The following SORCS1 variants were observed in gnomAD, a reference collection of about 807,000 sequenced individuals.
SORCS1 encodes sortilin related VPS10 domain containing receptor 1.
Under a neutral mutation model 146.1 loss-of-function variants are expected in SORCS1, and 60 were observed. That is an observed-to-expected ratio of 0.41 (90% confidence interval 0.33 to 0.51). The LOEUF (loss-of-function observed/expected upper bound fraction) is 0.51. Ranked by LOEUF, SORCS1 falls within the 20% of genes least tolerant of loss-of-function variation. The pLI is 0.21. For missense variants in SORCS1, 1,352 were observed against 1,487.6 expected, an observed-to-expected ratio of 0.91 and a Z score of 1.50; for synonymous variants, 637 against 584.0, an observed-to-expected ratio of 1.09 and a Z score of -1.31.
chr10:106,937,727 G>T (rs1054214932), intron 2 of SORCS1, among the ~76,000 whole-genome samples: 1 of 152,226 alleles, frequency 6.6e-6, no homozygotes, highest in Non-Finnish European at 1.5e-5. Context: ...ACTTTGGGGG[G>T]CTGAGGCAGG....
chr10:106,940,900 A>T (rs1375532210), intron 2 of SORCS1, among the ~76,000 whole-genome samples: 1 of 152,144 alleles, frequency 6.6e-6, no homozygotes, highest in East Asian at 1.9e-4. Flanking sequence ...ATAATAATAA[A>T]AAAAATTATT....
chr10:106,757,516 T>G (rs1399579310), intron 5 of SORCS1, among the ~76,000 whole-genome samples: 1 of 152,228 alleles, frequency 6.6e-6, no homozygotes, highest in Admixed American at 6.5e-5. Context: ...TTCTGTCAGC[T>G]TAAGGTAGTT....
intron 1 of SORCS1, among the ~76,000 whole-genome samples, chr10:107,065,467 C>CT (rs1961713064): frequency 7.5e-4 from 20 of 26,688 alleles, no homozygotes; most frequent in South Asian, 2.2e-3. Flanking sequence ...TTTCTCTCTC[C>CT]CTCTCCTCTC....
intron 1 of SORCS1, among the ~76,000 whole-genome samples, chr10:107,152,106 T>C (rs1478897722): frequency 6.6e-6 from 1 of 152,142 alleles, no homozygotes; most frequent in Non-Finnish European, 1.5e-5. Context: ...AAGAGGCCAA[T>C]GTACAGCTCA....
In SORCS1 at chr10:106,688,476, G is replaced by A; in HGVS notation, c.1414-138C>T. The A allele has an allele frequency of 3.3e-6, 3 of 920,770 alleles. No individual in the cohort carries two copies. In the South Asian group the frequency reaches 5.2e-5, roughly 16 times the overall value. The allele number at this position is 920,770 out of a possible 1,614,324, so 57.0% of individuals were successfully genotyped here. On this transcript the variant is annotated intron_variant, in intron 9 of 25. Transcript: ENST00000263054. ...AAAGAAAGGTTGACGATGGGGGAAG[G>A]AGGTGGCTCAAGGTATAATGACTTC...
chr10:106,853,833 A>G (rs542274138), intron 2 of SORCS1, among the ~76,000 whole-genome samples: 3 of 151,894 alleles, frequency 2.0e-5, no homozygotes, highest in Non-Finnish European at 4.4e-5. Flanking sequence ...TATAATTTCT[A>G]TTTGCTTCAG....
chr10:107,117,375 G>GGTT (rs1330520880), intron 1 of SORCS1, among the ~76,000 whole-genome samples: 4 of 152,224 alleles, frequency 2.6e-5, no homozygotes, highest in African/African-American at 7.2e-5. Flanking sequence ...AGGCCATTCA[G>GGTT]AGACCATCAG....
intron 9 of SORCS1, among the ~76,000 whole-genome samples, chr10:106,692,321 C>A (rs186116238): frequency 3.6e-3 from 542 of 152,310 alleles, no homozygotes; most frequent in Non-Finnish European, 4.5e-3. Flanking sequence ...CCTGCCTTGG[C>A]CTCCCAAAGT....
rs1315321467 is a variant in SORCS1 at position 106,688,357 on chromosome 10, G to C, written c.1414-19C>G. 1.2e-6 allele frequency: 2 copies of C among 1,606,142 alleles called. No individual in the cohort carries two copies. The highest frequency in any genetic ancestry group is 1.3e-5 in the African/African-American group (1 of 74,342). On this transcript the variant is annotated intron_variant, in intron 9 of 25. Transcript: ENST00000263054. ...CTGCTACCTGGGAAAAATTGACATGGCTGAAAAATACATCAATTTGAGAAG... is the reference window on the plus strand; with the variant it reads ...CTGCTACCTGGGAAAAATTGACATGCCTGAAAAATACATCAATTTGAGAAG...
intron 1 of SORCS1, among the ~76,000 whole-genome samples, chr10:107,144,936 T>C (rs924381219): frequency 2.0e-4 from 31 of 152,170 alleles, no homozygotes; most frequent in African/African-American, 6.5e-4. Flanking sequence ...AAAAAAAGAA[T>C]AGTTACGTCA....
At chr10:106,723,455 G>A (rs1168801934) in intron 6 of SORCS1, among the ~76,000 whole-genome samples, 2 of 151,982 alleles carry the variant, frequency 1.3e-5, no homozygotes, top group Non-Finnish European at 2.9e-5. Context: ...CTTCATGGAT[G>A]AGGACCTGTC....
chr10:106,825,829 T>C (rs1948278752), intron 3 of SORCS1, among the ~76,000 whole-genome samples: 1 of 152,150 alleles, frequency 6.6e-6, no homozygotes, highest in Admixed American at 6.5e-5. Context: ...CCTTTTCTTC[T>C]GGGCTAACCT....
chr10:106,747,154 C>T (rs978327040), intron 5 of SORCS1, among the ~76,000 whole-genome samples: 1 of 152,218 alleles, frequency 6.6e-6, no homozygotes, highest in African/African-American at 2.4e-5. Flanking sequence ...CTGTCCCTCA[C>T]CCCAGGGCAC....
intron 3 of SORCS1, among the ~76,000 whole-genome samples, chr10:106,808,737 C>A (rs1489974535): frequency 6.6e-6 from 1 of 152,084 alleles, no homozygotes; most frequent in Non-Finnish European, 1.5e-5. Context: ...CTCCTGACCT[C>A]ATGATCCGCC....
At chr10:106,640,206 T>C (rs973187089) in intron 18 of SORCS1, among the ~76,000 whole-genome samples, 43 of 152,214 alleles carry the variant, frequency 2.8e-4, no homozygotes, top group African/African-American at 1.0e-3. Context: ...TACCATCTGA[T>C]GGCTGACAGC....
At chr10:106,956,055 G>C (rs190372053) in intron 2 of SORCS1, among the ~76,000 whole-genome samples, 1 of 151,950 alleles carries the variant, frequency 6.6e-6, no homozygotes, top group Non-Finnish European at 1.5e-5. Flanking sequence ...GCTTGAACCC[G>C]GGAGGCAGAG....
chr10:107,038,489 A>G (rs1440182055), intron 1 of SORCS1, among the ~76,000 whole-genome samples: 2 of 152,110 alleles, frequency 1.3e-5, no homozygotes, highest in Non-Finnish European at 2.9e-5. Flanking sequence ...ATGTATACAT[A>G]TGTAACAAAC....
intron 1 of SORCS1, among the ~76,000 whole-genome samples, chr10:107,151,127 G>A (rs915772790): frequency 1.3e-5 from 2 of 152,114 alleles, no homozygotes; most frequent in African/African-American, 4.8e-5. Context: ...AACTTCTAGA[G>A]AATTGGAAGG....
At position 107,025,604 on chromosome 10, in the gene SORCS1, G is replaced by T. The variant is rs890026355; in HGVS notation, c.559-69024C>A. Among the ~76,000 whole-genome samples the T allele has an allele frequency of 8.5e-5, 13 of 152,178 alleles. No individual in the cohort carries two copies. In the South Asian group the frequency reaches 1.4e-3, roughly 17 times the overall value. On this transcript the variant is annotated intron_variant, in intron 1 of 25. Coordinates refer to ENST00000263054, the MANE Select transcript of SORCS1 (RefSeq NM_052918.5). ...ATACAAGCCCCAAAACAAAATAACT[G>T]ATGACAGGGTAAAACAAAATGGTCA...
Sources: allele counts gnomAD v4.1 joint callset (sites outside exome capture counted in the v4.1 genomes callset), GRCh38; gene constraint gnomAD v4.1.1; transcripts MANE v1.5; gene names NCBI Gene and HGNC (gene_info 2026-07-23, HGNC 2026-07-21).